The following FARS2 variants were observed in gnomAD, a reference collection of about 807,000 sequenced individuals.
The protein encoded by FARS2 is phenylalanine--tRNA ligase, mitochondrial.
In FARS2, 40 loss-of-function variants were observed where a neutral mutation model predicts 46.4. The observed-to-expected ratio is 0.86, with a 90% CI of 0.67 to 1.12. The LOEUF (loss-of-function observed/expected upper bound fraction) is 1.12, where lower values mean the gene tolerates loss of function less well. Among genes scored for constraint, FARS2 ranks in the 50% most tolerant of loss-of-function variants. The probability of loss-of-function intolerance (pLI) is 0.00; values close to 1 mark genes in which losing one functional copy is unlikely to be tolerated. For synonymous variants in FARS2, 234 were observed against 214.9 expected, an observed-to-expected ratio of 1.09 and a Z score of -0.78; for missense variants, 513 against 567.9, an observed-to-expected ratio of 0.90 and a Z score of 0.98.
At chr6:5,748,330 A>G (rs892211761) in intron 6 of FARS2, among the ~76,000 whole-genome samples, 3 of 152,250 alleles carry the variant, frequency 2.0e-5, no homozygotes, top group Admixed American at 1.3e-4. Flanking sequence ...TCTCGAGTGG[A>G]AAAGATGGCA....
At chr6:5,364,393 T>C (rs1481379293) in intron 1 of FARS2, among the ~76,000 whole-genome samples, 1 of 152,206 alleles carries the variant, frequency 6.6e-6, no homozygotes, top group Non-Finnish European at 1.5e-5. Flanking sequence ...TATTGCCCAT[T>C]ATATTGTATT....
intron 6 of FARS2, among the ~76,000 whole-genome samples, chr6:5,633,597 C>A (rs1002384956): frequency 6.6e-6 from 1 of 152,052 alleles, no homozygotes; most frequent in Non-Finnish European, 1.5e-5. Context: ...GTTTTATATC[C>A]TTTTTCTAGT....
rs1015822453 is a variant in FARS2, at chr6:5,770,872, C to T, written c.1218-419C>T. Among the ~76,000 whole-genome samples, 31 of 152,134 alleles carry T rather than the reference C, an allele frequency of 2.0e-4. 1 individual carries two copies. The highest frequency in any genetic ancestry group is 1.5e-3 in the Admixed American group (23 of 15,264). Reference sequence around the variant, plus strand: ...GATACTTCAGTTTGCCTCACAAACACGGTTACCTTCCATGACATGAAGGAG... The same window carrying T: ...GATACTTCAGTTTGCCTCACAAACATGGTTACCTTCCATGACATGAAGGAG... On this transcript the variant is annotated intron_variant, in intron 6 of 6. Coordinates refer to ENST00000274680, the MANE Select transcript of FARS2 (RefSeq NM_006567.5).
chr6:5,656,251 C>T lies in FARS2; in HGVS notation c.1217+42931C>T, dbSNP rs1288566880. On this transcript the variant is annotated intron_variant, in intron 6 of 6. Transcript: ENST00000274680. Reference sequence around the variant, plus strand: ...AATTCCTATCTGTGCCAACCTGTCACTGGCTTTGCTGTGGAAGCCTTGACC... The same window carrying T: ...AATTCCTATCTGTGCCAACCTGTCATTGGCTTTGCTGTGGAAGCCTTGACC... Among the ~76,000 whole-genome samples the T allele has an allele frequency of 3.3e-5, 5 of 152,240 alleles. No individual in the cohort carries two copies. The East Asian group carries it at 9.6e-4, about 29-fold the overall frequency.
intron 1 of FARS2, among the ~76,000 whole-genome samples, chr6:5,323,340 G>A (rs1480266395): frequency 2.6e-5 from 4 of 152,062 alleles, no homozygotes; most frequent in Admixed American, 6.6e-5. Flanking sequence ...TTTGTTGGAC[G>A]GAGGATAATA....
intron 6 of FARS2, among the ~76,000 whole-genome samples, chr6:5,692,398 T>C (rs1757804788): frequency 6.6e-6 from 1 of 152,228 alleles, no homozygotes; most frequent in Admixed American, 6.5e-5. Context: ...AAGTAATAAC[T>C]AGCCCTTTTT....
chr6:5,407,043 T>TTATATA lies in FARS2; in HGVS notation c.772+2361_772+2366dup, dbSNP rs201074448. Among the ~76,000 whole-genome samples, 652 of 83,912 alleles carry TTATATA rather than the reference T, an allele frequency of 7.8e-3. 48 individuals are homozygous for TTATATA. The highest frequency in any genetic ancestry group is 0.028 in the African/African-American group (583 of 20,604). 55.0% of individuals were successfully genotyped at this position (83,912 alleles called of 152,430 possible). The stretch of plus-strand genomic sequence containing the variant: ...AATGGGTGAACATGAAGGTGGCAAA[T>TTATATA]TATATATATATATATATATATATAA... On this transcript the variant is annotated intron_variant, in intron 3 of 6. Transcript: ENST00000274680.
At chr6:5,306,283 T>C (rs1561945934) in intron 1 of FARS2, among the ~76,000 whole-genome samples, 1 of 152,176 alleles carries the variant, frequency 6.6e-6, no homozygotes, top group Non-Finnish European at 1.5e-5. Flanking sequence ...AATGCATTAA[T>C]AGTGAGGGAA....
chr6:5,393,497 A>G (rs1198845382), intron 2 of FARS2, among the ~76,000 whole-genome samples: 3 of 152,078 alleles, frequency 2.0e-5, no homozygotes, highest in Admixed American at 2.0e-4. Context: ...TCTACTAAAA[A>G]TACAAAAAAA....
At chr6:5,664,792 G>A (rs920684806) in intron 6 of FARS2, among the ~76,000 whole-genome samples, 2 of 152,132 alleles carry the variant, frequency 1.3e-5, no homozygotes, top group Non-Finnish European at 2.9e-5. Flanking sequence ...ATTCCTATGG[G>A]TCTATCATTC....
intron 6 of FARS2, 57 bp downstream of exon 6, chr6:5,613,377 G>A: frequency 1.3e-6 from 2 of 1,503,888 alleles, no homozygotes; most frequent in South Asian, 2.4e-5. Flanking sequence ...TAAATGTCAT[G>A]TGGAAGCATA....
At chr6:5,743,818 A>G (rs1654682727) in intron 6 of FARS2, among the ~76,000 whole-genome samples, 1 of 152,262 alleles carries the variant, frequency 6.6e-6, no homozygotes. Context: ...AGTTAAAAAC[A>G]AAGGTATTCT....
At chr6:5,488,271 CA>C (rs1202083902) in intron 4 of FARS2, among the ~76,000 whole-genome samples, 1 of 152,160 alleles carries the variant, frequency 6.6e-6, no homozygotes, top group Non-Finnish European at 1.5e-5. Flanking sequence ...TGATAATGTT[CA>C]AAAGGCTATC....
At chr6:5,505,421 CT>C (rs1217307684) in intron 4 of FARS2, among the ~76,000 whole-genome samples, 3 of 152,204 alleles carry the variant, frequency 2.0e-5, no homozygotes, top group Non-Finnish European at 4.4e-5. Flanking sequence ...GGCAATCACA[CT>C]TTTAGCCAGA....
chr6:5,376,698 T>A (rs1279450440), intron 2 of FARS2, among the ~76,000 whole-genome samples: 1 of 152,134 alleles, frequency 6.6e-6, no homozygotes, highest in African/African-American at 2.4e-5. Flanking sequence ...CGAGTGGTAC[T>A]AAACTATCAT....
chr6:5,408,978 ATC>A (rs1441355765), intron 3 of FARS2, among the ~76,000 whole-genome samples: 2 of 152,218 alleles, frequency 1.3e-5, no homozygotes, highest in Non-Finnish European at 2.9e-5. Context: ...CAGGATATAT[ATC>A]TCTCTGAAAA....
At chr6:5,714,981 C>T (rs774085116) in intron 6 of FARS2, among the ~76,000 whole-genome samples, 3 of 152,072 alleles carry the variant, frequency 2.0e-5, no homozygotes, top group South Asian at 2.1e-4. Context: ...GTGGAGATCG[C>T]GCCACTGCAC....
chr6:5,768,590 C>T (rs1436999310), intron 6 of FARS2, among the ~76,000 whole-genome samples: 2 of 152,186 alleles, frequency 1.3e-5, no homozygotes, highest in Non-Finnish European at 2.9e-5. Context: ...TTGCAGAGTC[C>T]TGTCAATTTC....
chr6:5,346,570 A>G (rs915972681), intron 1 of FARS2, among the ~76,000 whole-genome samples: 3 of 152,138 alleles, frequency 2.0e-5, no homozygotes, highest in Non-Finnish European at 4.4e-5. Flanking sequence ...TCTTGATCCA[A>G]TCCTGTGCCT....
Sources: allele counts gnomAD v4.1 joint callset (sites outside exome capture counted in the v4.1 genomes callset), GRCh38; gene constraint gnomAD v4.1.1; transcripts MANE v1.5; gene names NCBI Gene and HGNC (gene_info 2026-07-23, HGNC 2026-07-21).